Variants in LRBA observed in about 807,000 individuals in gnomAD.
LRBA encodes lipopolysaccharide-responsive and beige-like anchor protein.
A neutral mutation model predicts 330.0 loss-of-function variants in LRBA; 176 were observed. That is an observed-to-expected ratio of 0.53 (90% CI 0.47 to 0.60). LRBA has a LOEUF of 0.60. LRBA is among the 20% of genes least tolerant of loss of function. LRBA has a pLI of 0.00. For missense variants in LRBA, 3,259 were observed against 3,444.8 expected (o/e 0.95, Z 1.35); for synonymous variants, 1,230 against 1,193.0 (o/e 1.03, Z -0.64).
At chr4:150,384,316 G>T (rs942317274) in intron 47 of LRBA, among the ~76,000 whole-genome samples, 1 of 152,120 alleles carries the variant, frequency 6.6e-6, no homozygotes, top group Non-Finnish European at 1.5e-5. Context: ...GGGATTACAG[G>T]CCTGAGTCAC....
In LRBA at chr4:150,808,372, G is replaced by T. The variant is rs753718575; in HGVS notation, c.5332C>A (p.Pro1778Thr). 6.2e-7 allele frequency: 1 copy of T among 1,611,336 alleles called. No individual in the cohort carries two copies. Among genetic ancestry groups the T allele is most frequent in the Admixed American group, 1.7e-5 (1 of 59,960 alleles). Reference sequence around the variant, plus strand: ...ACTGAATCAACTGTTGGAACTGAGGGCAATTTTGCATTAGATGATCTACTG... The same window carrying T: ...ACTGAATCAACTGTTGGAACTGAGGTCAATTTTGCATTAGATGATCTACTG... Reference protein sequence around the residue: ...PGSRSSNAKLPSVPTVDSVSQ... With the variant: ...PGSRSSNAKLTSVPTVDSVSQ... The change falls in exon 32 of 57, where the codon CCC becomes ACC. Residue 1778 changes from proline (P) to threonine (T), a missense_variant. Physicochemically the swap from Pro to Thr is conservative, Grantham distance 38 (BLOSUM62 -1). Coordinates refer to ENST00000651943, the MANE Select transcript of LRBA (RefSeq NM_001364905.1).
chr4:150,417,346 A>G (rs1164453844), intron 46 of LRBA, among the ~76,000 whole-genome samples: 3 of 152,094 alleles, frequency 2.0e-5, no homozygotes, highest in Non-Finnish European at 4.4e-5. Context: ...GTATTCAATT[A>G]ATTTCCAGCT....
At chr4:151,002,771 G>GGAGCT (rs1424353214) in intron 2 of LRBA, among the ~76,000 whole-genome samples, 15 of 151,858 alleles carry the variant, frequency 9.9e-5, no homozygotes, top group African/African-American at 3.4e-4. Context: ...CAGCACTTTG[G>GGAGCT]GAGGCTGAGG....
intron 34 of LRBA, among the ~76,000 whole-genome samples, chr4:150,775,444 T>G (rs1219221472): frequency 7.3e-6 from 1 of 136,244 alleles, no homozygotes; most frequent in African/African-American, 2.7e-5. Flanking sequence ...AAAGGAAGTC[T>G]GCAATGGAAC....
At chr4:150,447,700 C>T (rs1334242664) in intron 44 of LRBA, among the ~76,000 whole-genome samples, 1 of 152,134 alleles carries the variant, frequency 6.6e-6, no homozygotes, top group Non-Finnish European at 1.5e-5. Flanking sequence ...CAAGATACCA[C>T]ATCAAGAGGA....
At chr4:150,307,532 C>T (rs72953808) in intron 52 of LRBA, among the ~76,000 whole-genome samples, 3,325 of 149,562 alleles carry the variant, frequency 0.022, 104 homozygotes, top group African/African-American at 0.072. Flanking sequence ...CCACCCTGGA[C>T]AACAGAGTGA....
At chr4:150,872,787 T>C (rs1181954511) in intron 17 of LRBA, 32 bp from the exon 18 acceptor site, 2 of 1,124,318 alleles carry the variant, frequency 1.8e-6, no homozygotes, top group Non-Finnish European at 2.6e-6. Context: ...ACAAACTATT[T>C]TGAGTATAAT....
At chr4:150,560,640 T>C (rs888602344) in intron 40 of LRBA, among the ~76,000 whole-genome samples, 5 of 152,186 alleles carry the variant, frequency 3.3e-5, no homozygotes, top group Admixed American at 3.3e-4. Context: ...AACTGATACT[T>C]AGTAGAACAG....
At chr4:150,507,406 C>G (rs1020670625) in intron 40 of LRBA, among the ~76,000 whole-genome samples, 1 of 151,930 alleles carries the variant, frequency 6.6e-6, no homozygotes, top group African/African-American at 2.4e-5. Context: ...CAGAACAGAG[C>G]CCTCAGAAAT....
intron 30 of LRBA, among the ~76,000 whole-genome samples, chr4:150,817,783 A>G (rs985102619): frequency 7.2e-5 from 11 of 152,122 alleles, no homozygotes; most frequent in Non-Finnish European, 1.3e-4. Flanking sequence ...AAAAATATCA[A>G]ATAGTCAAAG....
intron 34 of LRBA, among the ~76,000 whole-genome samples, chr4:150,785,938 T>C (rs1738990019): frequency 6.6e-6 from 1 of 152,206 alleles, no homozygotes; most frequent in Non-Finnish European, 1.5e-5. Context: ...AGGGCAGTCA[T>C]TAATAGCTAG....
At chr4:150,528,295 C>T (rs1183835857) in intron 40 of LRBA, among the ~76,000 whole-genome samples, 2 of 151,786 alleles carry the variant, frequency 1.3e-5, no homozygotes, top group African/African-American at 2.4e-5. Flanking sequence ...GTCAGGAGAT[C>T]GAGACCATCC....
chr4:150,353,846 T>C (rs1737488125), intron 47 of LRBA, among the ~76,000 whole-genome samples: 2 of 152,174 alleles, frequency 1.3e-5, no homozygotes, highest in South Asian at 2.1e-4. Flanking sequence ...CTTTAAATAA[T>C]TTCTCAAACA....
At chr4:150,378,794 A>G (rs960332650) in intron 47 of LRBA, among the ~76,000 whole-genome samples, 16 of 152,212 alleles carry the variant, frequency 1.1e-4, no homozygotes, top group African/African-American at 3.9e-4. Flanking sequence ...CTTCAAATCG[A>G]ATGACAATAA....
intron 40 of LRBA, among the ~76,000 whole-genome samples, chr4:150,540,731 G>A (rs1765229736): frequency 6.6e-6 from 1 of 152,066 alleles, no homozygotes. Flanking sequence ...ATATAAGTTG[G>A]TGCAATTATC....
chr4:150,508,477 C>T (rs969751232), intron 40 of LRBA, among the ~76,000 whole-genome samples: 4 of 151,922 alleles, frequency 2.6e-5, no homozygotes, highest in Admixed American at 1.3e-4. Flanking sequence ...TTAGTAGAGG[C>T]GGGGTTTCAC....
chr4:150,468,145 T>C (rs1362651813), intron 43 of LRBA, among the ~76,000 whole-genome samples: 1 of 152,078 alleles, frequency 6.6e-6, no homozygotes, highest in African/African-American at 2.4e-5. Flanking sequence ...TACTCTTTTT[T>C]TTATGACTTT....
intron 40 of LRBA, among the ~76,000 whole-genome samples, chr4:150,500,539 C>T (rs1760135236): frequency 6.6e-6 from 1 of 152,086 alleles, no homozygotes; most frequent in Non-Finnish European, 1.5e-5. Context: ...GATCGGACTA[C>T]TGCACTCCAG....
chr4:150,384,354 C>T (rs1427081612), intron 47 of LRBA, among the ~76,000 whole-genome samples: 1 of 152,054 alleles, frequency 6.6e-6, no homozygotes. Context: ...GTATTTTTTA[C>T]ATCTATATAA....
Sources: gnomAD v4.1 joint callset for allele counts (sites outside exome capture counted in the v4.1 genomes callset) on GRCh38, gnomAD v4.1.1 for gene constraint, MANE v1.5 for transcripts, NCBI Gene and HGNC (gene_info 2026-07-23, HGNC 2026-07-21) for gene names.